The following ITGA8 variants were observed in gnomAD, a reference collection of about 807,000 sequenced individuals.
ITGA8 encodes the protein integrin subunit alpha 8.
Under a neutral mutation model 142.3 loss-of-function variants are expected in ITGA8, and 91 were observed. That is an observed-to-expected ratio of 0.64 (90% CI 0.54 to 0.76). The LOEUF is 0.76. Among genes scored for constraint, ITGA8 ranks in the 30% least tolerant of loss-of-function variants. The pLI, the probability that ITGA8 is intolerant of heterozygous loss-of-function variation, is 0.00. For missense variants in ITGA8, 1,406 were observed against 1,327.7 expected (o/e 1.06, Z -0.92); for synonymous variants, 505 against 485.2 (o/e 1.04, Z -0.54).
chr10:15,519,286 T>C lies in ITGA8; in HGVS notation c.3105+4A>G. The C allele has an allele frequency of 6.2e-7, 1 of 1,613,294 alleles. No homozygotes were observed. The highest frequency in any genetic ancestry group is 2.2e-5 in the East Asian group (1 of 44,784). ...TAAAAGGAAAACAAAGTAAATCAAC[T>C]TACCTTCCATAAAGCTAAGGTTAAA... On this transcript the variant is annotated splice_donor_region_variant and intron_variant, in intron 29 of 29. Coordinates refer to ENST00000378076, the MANE Select transcript of ITGA8 (RefSeq NM_003638.3).
intron 2 of ITGA8, among the ~76,000 whole-genome samples, chr10:15,692,320 G>A (rs1215688693): frequency 6.6e-6 from 1 of 152,002 alleles, no homozygotes; most frequent in African/African-American, 2.4e-5. Flanking sequence ...CTAAGAGCAT[G>A]ACTCCCATTA....
chr10:15,644,311 A>C lies in ITGA8; in HGVS notation c.1208-90T>G, dbSNP rs979140009. Reference sequence around the variant, plus strand: ...GAGACAGGACCTTACTCTGTCACCCAAGCTGGAGTGCAGTGGTGGGATCAT... The same window carrying C: ...GAGACAGGACCTTACTCTGTCACCCCAGCTGGAGTGCAGTGGTGGGATCAT... On this transcript the variant is annotated intron_variant, in intron 12 of 29. Coordinates refer to ENST00000378076, the MANE Select transcript of ITGA8 (RefSeq NM_003638.3). 2.6e-4 allele frequency: 322 copies of C among 1,232,902 alleles called. 1 individual carries two copies. Among genetic ancestry groups the C allele is most frequent in the Non-Finnish European group, 3.4e-4 (302 of 892,098 alleles). The allele number at this position is 1,232,902 out of a possible 1,614,324, so 76.4% of individuals were successfully genotyped here. A position where few individuals can be genotyped will look rare whatever the true frequency, so the allele number is the denominator to read the frequency against.
chr10:15,703,016 C>T (rs1030987864), intron 2 of ITGA8, among the ~76,000 whole-genome samples: 1 of 152,132 alleles, frequency 6.6e-6, no homozygotes, highest in Non-Finnish European at 1.5e-5. Context: ...ACTATTCTTT[C>T]CTGGAAATCA....
At chr10:15,642,986 C>T (rs928954345) in intron 13 of ITGA8, among the ~76,000 whole-genome samples, 1 of 152,140 alleles carries the variant, frequency 6.6e-6, no homozygotes, top group Non-Finnish European at 1.5e-5. Flanking sequence ...TTAATGACTT[C>T]TAAGTATTTA....
chr10:15,561,238 T>C (rs1314777719), intron 25 of ITGA8, among the ~76,000 whole-genome samples: 2 of 99,708 alleles, frequency 2.0e-5, no homozygotes, highest in African/African-American at 2.1e-4. Context: ...TATATATGTA[T>C]ATATATATAT....
intron 27 of ITGA8, 30 bp from the exon 28 acceptor site, chr10:15,531,181 T>C (rs773824711): frequency 8.2e-7 from 1 of 1,223,062 alleles, no homozygotes; most frequent in African/African-American, 1.6e-5. Flanking sequence ...TTTAAATATA[T>C]TTCATATAAA....
At chr10:15,672,603 G>T in intron 7 of ITGA8, 21 bp downstream of exon 7, 1 of 1,600,814 alleles carries the variant, frequency 6.2e-7, no homozygotes, top group Non-Finnish European at 8.5e-7. Flanking sequence ...AACCACAAAT[G>T]TCTTGGGCAA....
chr10:15,625,462 G>A (rs35570683), intron 13 of ITGA8, among the ~76,000 whole-genome samples: 1 of 53,342 alleles, frequency 1.9e-5, no homozygotes, highest in African/African-American at 5.2e-5. Flanking sequence ...TGCAATTGCT[G>A]AAAGCCCTGG....
intron 8 of ITGA8, among the ~76,000 whole-genome samples, chr10:15,667,816 T>C (rs1347789696): frequency 1.3e-5 from 2 of 152,158 alleles, no homozygotes; most frequent in Non-Finnish European, 2.9e-5. Flanking sequence ...AGTTTCCATG[T>C]AGTTGAGCAG....
chr10:15,660,956 T>TA, intron 8 of ITGA8, 34 bp from the exon 9 acceptor site: 4 of 1,571,218 alleles, frequency 2.5e-6, no homozygotes, highest in Non-Finnish European at 3.5e-6. Context: ...GAAGGGGAAT[T>TA]ACTCACACAC....
At chr10:15,607,386 T>G (rs1349135895) in intron 17 of ITGA8, among the ~76,000 whole-genome samples, 2 of 152,134 alleles carry the variant, frequency 1.3e-5, no homozygotes, top group Non-Finnish European at 2.9e-5. Flanking sequence ...CACTTTTATG[T>G]ATTTTGGGGA....
In ITGA8 at chr10:15,657,510, ATTTT is replaced by A. The variant is rs34510305; in HGVS notation, c.948+1485_948+1488del. 7.2e-4 allele frequency among the ~76,000 whole-genome samples: 96 copies of A among 132,512 alleles called. 1 individual carries two copies. The highest frequency in any genetic ancestry group is 1.8e-3 in the African/African-American group (65 of 35,206). The allele number at this position is 132,512 out of a possible 152,430, so 86.9% of individuals were successfully genotyped here. A position where few individuals can be genotyped will look rare whatever the true frequency, so the allele number is the denominator to read the frequency against. ...TGCTGGTTTCTTTTTCTTTTCTTTC[ATTTT>A]TTTTTTTTTTTTTTTTTAACAGAGA... On this transcript the variant is annotated intron_variant, in intron 10 of 29. Transcript: ENST00000378076.
intron 15 of ITGA8, among the ~76,000 whole-genome samples, chr10:15,612,944 T>A (rs1426326206): frequency 6.6e-6 from 1 of 152,170 alleles, no homozygotes; most frequent in Non-Finnish European, 1.5e-5. Context: ...GTGGATCACC[T>A]GAGGTCAGGA....
chr10:15,653,086 C>T (rs910347815), intron 11 of ITGA8, among the ~76,000 whole-genome samples: 1 of 152,218 alleles, frequency 6.6e-6, no homozygotes, highest in Non-Finnish European at 1.5e-5. Context: ...CCAGGGTTCA[C>T]GCTCCACAGC....
At chr10:15,648,818 T>TGA (rs1834034753) in intron 11 of ITGA8, among the ~76,000 whole-genome samples, 1 of 152,244 alleles carries the variant, frequency 6.6e-6, no homozygotes, top group Admixed American at 6.5e-5. Flanking sequence ...GTGTACTTCC[T>TGA]ATGTTTAAGG....
chr10:15,550,588 A>G (rs1833776354), intron 26 of ITGA8, among the ~76,000 whole-genome samples: 1 of 152,202 alleles, frequency 6.6e-6, no homozygotes, highest in African/African-American at 2.4e-5. Flanking sequence ...ACCTAGCAGA[A>G]TGGGAGACCT....
At chr10:15,591,167 C>A (rs568495225) in intron 22 of ITGA8, among the ~76,000 whole-genome samples, 13 of 152,094 alleles carry the variant, frequency 8.5e-5, no homozygotes, top group African/African-American at 2.6e-4. Flanking sequence ...CCATCTTGCA[C>A]ACTAGTATTT....
chr10:15,571,360 C>T (rs888993350), intron 25 of ITGA8, among the ~76,000 whole-genome samples: 1 of 152,210 alleles, frequency 6.6e-6, no homozygotes, highest in Non-Finnish European at 1.5e-5. Flanking sequence ...GTCCTGGTAG[C>T]TACTAGGAGA....
At position 15,716,735 on chromosome 10, in the gene ITGA8, A is replaced by G. The variant is rs184723600; in HGVS notation, c.343+2031T>C. On this transcript the variant is annotated intron_variant, in intron 2 of 29. Coordinates refer to ENST00000378076, the MANE Select transcript of ITGA8 (RefSeq NM_003638.3). Reference sequence around the variant, plus strand: ...GCCCAGGCTGGAGTGCAATGGTGCAATCTTGGCTAACTGCAACCTCTCCCT... The same window carrying G: ...GCCCAGGCTGGAGTGCAATGGTGCAGTCTTGGCTAACTGCAACCTCTCCCT... 1.1e-3 allele frequency among the ~76,000 whole-genome samples: 167 copies of G among 149,364 alleles called. 1 individual carries two copies. Among genetic ancestry groups the G allele is most frequent in the African/African-American group, 3.9e-3 (158 of 40,160 alleles).
Sources: allele counts gnomAD v4.1 joint callset (sites outside exome capture counted in the v4.1 genomes callset), GRCh38; gene constraint gnomAD v4.1.1; transcripts MANE v1.5; gene names NCBI Gene and HGNC (gene_info 2026-07-23, HGNC 2026-07-21).